AMELY: variants seen among roughly 807,000 people sequenced by gnomAD.
AMELY encodes amelogenin Y-linked.
Under a neutral mutation model 4.2 loss-of-function variants are expected in AMELY, and 4 were observed. The ratio of observed to expected loss-of-function variants is 0.96; its 90% confidence interval spans 0.47 to 2.19. AMELY has a LOEUF of 2.19. Ranked by LOEUF, AMELY falls within the 30% of genes most tolerant of loss-of-function variation. The pLI, the probability that AMELY is intolerant of heterozygous loss-of-function variation, is 0.02. For synonymous variants in AMELY, 11 were observed against 14.7 expected, an observed-to-expected ratio of 0.75 and a Z score of 0.57; for missense variants, 32 against 41.5, an observed-to-expected ratio of 0.77 and a Z score of 0.63.
intron 3 of AMELY, among the ~76,000 whole-genome samples, chrY:6,871,330 T>C (rs774480224): frequency 3.1e-5 from 1 of 32,481 alleles, no homozygotes; most frequent in Non-Finnish European, 7.5e-5. Flanking sequence ...CCAGACAGAG[T>C]GAGAGTGACA....
intron 1 of AMELY, among the ~76,000 whole-genome samples, chrY:6,890,508 A>T: frequency 3.0e-5 from 1 of 33,333 alleles, no homozygotes; most frequent in African/African-American, 1.2e-4. Flanking sequence ...GACTGGTTTA[A>T]GTATCACTTA....
chrY:6,909,598 A>G (rs2011677223), intron 1 of AMELY, among the ~76,000 whole-genome samples: 1 of 33,455 alleles, frequency 3.0e-5, no homozygotes, highest in African/African-American at 1.2e-4. Flanking sequence ...GATGTGCTCT[A>G]ATGATGGTGT....
chrY:6,909,344 A>G, intron 1 of AMELY, among the ~76,000 whole-genome samples: 2 of 32,928 alleles, frequency 6.1e-5, no homozygotes, highest in African/African-American at 2.4e-4. Flanking sequence ...ACGTGTAGCC[A>G]GGGTAGGGTT....
At chrY:6,870,824 G>C in intron 3 of AMELY, among the ~76,000 whole-genome samples, 1 of 33,360 alleles carries the variant, frequency 3.0e-5, no homozygotes, top group African/African-American at 1.2e-4. Flanking sequence ...AATCAGGACT[G>C]TCTATCCTCT....
intron 1 of AMELY, among the ~76,000 whole-genome samples, chrY:6,911,334 C>G: frequency 2.9e-5 from 1 of 34,464 alleles, no homozygotes; most frequent in Admixed American, 2.5e-4. Context: ...CTCTTGGGAT[C>G]TGCTGGGCCC....
At chrY:6,894,076 T>C in intron 1 of AMELY, among the ~76,000 whole-genome samples, 1 of 33,337 alleles carries the variant, frequency 3.0e-5, no homozygotes, top group East Asian at 8.0e-4. Flanking sequence ...AGCCTTTAAC[T>C]GATCTAGGCA....
Position 6,896,014 on chromosome Y carries a change from A to C in AMELY, c.-113+15659T>G, listed in dbSNP as rs762130435. ...TTCCTAGGTATTTTATTCTCTTTGT[A>C]GCCACTGTGAATGGGAGTTCACTCA... On this transcript the variant is annotated intron_variant, in intron 1 of 6. Transcript: ENST00000651267. Among the ~76,000 whole-genome samples, 21 of 33,260 alleles carry C rather than the reference A, an allele frequency of 6.3e-4. No homozygotes were observed. In the East Asian group the frequency reaches 0.011, roughly 18 times the overall value. The allele number at this position is 33,260 out of a possible 37,273, so 89.2% of individuals were successfully genotyped here. A position where few individuals can be genotyped will look rare whatever the true frequency, so the allele number is the denominator to read the frequency against.
At chrY:6,871,031 G>A in intron 3 of AMELY, among the ~76,000 whole-genome samples, 1 of 33,399 alleles carries the variant, frequency 3.0e-5, no homozygotes, top group Non-Finnish European at 7.4e-5. Flanking sequence ...CATGTGAATG[G>A]TTTTATTCAG....
intron 1 of AMELY, among the ~76,000 whole-genome samples, chrY:6,882,750 GA>G (rs2054075782): frequency 2.0e-4 from 6 of 29,832 alleles, no homozygotes; most frequent in African/African-American, 6.5e-4. Context: ...AAATTTACAA[GA>G]AAAAAAAACA....
chrY:6,886,292 G>C (rs1001365595), intron 1 of AMELY, among the ~76,000 whole-genome samples: 6 of 34,008 alleles, frequency 1.8e-4, no homozygotes, highest in African/African-American at 5.7e-4. Flanking sequence ...AATTTCACCA[G>C]AATGATTCAA....
chrY:6,908,565 AACACAC>A, intron 1 of AMELY, among the ~76,000 whole-genome samples: 1 of 30,798 alleles, frequency 3.2e-5, no homozygotes, highest in Non-Finnish European at 7.9e-5. Flanking sequence ...AAATAACTGG[AACACAC>A]ACACACACAC....
chrY:6,874,875 C>A lies in AMELY; in HGVS notation c.-112-804G>T, dbSNP rs765189777. On this transcript the variant is annotated intron_variant, in intron 1 of 6. Transcript: ENST00000651267. Reference sequence around the variant, plus strand: ...GCATGCTTTTTTATAACACTTTCATCTTAGTGAACCACAAACATTTATGAT... The same window carrying A: ...GCATGCTTTTTTATAACACTTTCATATTAGTGAACCACAAACATTTATGAT... 2.4e-4 allele frequency among the ~76,000 whole-genome samples: 8 copies of A among 33,620 alleles called. No homozygotes were observed. The East Asian group carries it at 6.3e-3, about 26-fold the overall frequency. 90.2% of individuals were successfully genotyped at this position (33,620 alleles called of 37,273 possible).
intron 1 of AMELY, among the ~76,000 whole-genome samples, chrY:6,884,932 A>G: frequency 5.9e-5 from 2 of 33,706 alleles, no homozygotes; most frequent in African/African-American, 2.3e-4. Flanking sequence ...ACATAAACAG[A>G]GATTTCTCAA....
chrY:6,884,258 G>A, intron 1 of AMELY, among the ~76,000 whole-genome samples: 4 of 21,955 alleles, frequency 1.8e-4, no homozygotes, highest in African/African-American at 7.5e-4. Flanking sequence ...AGGGAGGGGA[G>A]CATCACACAC....
At chrY:6,870,660 G>GA (rs2054066921) in intron 3 of AMELY, among the ~76,000 whole-genome samples, 1 of 33,907 alleles carries the variant, frequency 2.9e-5, no homozygotes, top group Non-Finnish European at 7.3e-5. Context: ...ATGAATGCCA[G>GA]AACAAGATGG....
chrY:6,905,453 T>C, intron 1 of AMELY, among the ~76,000 whole-genome samples: 1 of 31,900 alleles, frequency 3.1e-5, no homozygotes, highest in Non-Finnish European at 7.6e-5. Flanking sequence ...TTTTTCTTTC[T>C]TTCTTTCTCT....
intron 1 of AMELY, among the ~76,000 whole-genome samples, chrY:6,902,040 C>T: frequency 3.0e-5 from 1 of 33,115 alleles, no homozygotes; most frequent in African/African-American, 1.2e-4. Context: ...TGAGCCCATA[C>T]ACATCTCCTG....
chrY:6,872,575 C>T lies in AMELY; in HGVS notation c.34G>A (p.Gly12Arg), dbSNP rs966495439. Residue 12 changes from glycine to arginine, a missense_variant, in exon 3 of 7, where the codon GGA becomes AGA. Coordinates refer to ENST00000651267, the MANE Select transcript of AMELY (RefSeq NM_001143.2). ...GTWILFACLV[G>R]AAFAMPLPPH... is the part of the protein sequence containing the mutation. ...CTCACAGGCATGGCAAAAGCTGCTC[C>T]CACAAGGCAGGCAAACAAAATCCAG... The T allele has an allele frequency of 1.5e-5, 6 of 397,436 alleles. No homozygotes were observed. The highest frequency in any genetic ancestry group is 1.8e-5 in the Non-Finnish European group (5 of 282,900).
At chrY:6,887,898 T>C in intron 1 of AMELY, among the ~76,000 whole-genome samples, 1 of 33,979 alleles carries the variant, frequency 2.9e-5, no homozygotes, top group Non-Finnish European at 7.3e-5. Context: ...GTCCAGTCTA[T>C]TATTGTTGGG....
Sources: allele counts gnomAD v4.1 joint callset (sites outside exome capture counted in the v4.1 genomes callset), GRCh38; gene constraint gnomAD v4.1.1; transcripts MANE v1.5; gene names NCBI Gene and HGNC (gene_info 2026-07-23, HGNC 2026-07-21).